USP12: variants seen among roughly 807,000 people sequenced by gnomAD.
USP12 encodes the protein ubiquitin carboxyl-terminal hydrolase 12.
In USP12, 19 loss-of-function variants were observed where a neutral mutation model predicts 45.5. The ratio of observed to expected loss-of-function variants is 0.42; its 90% CI spans 0.29 to 0.61. The LOEUF (loss-of-function observed/expected upper bound fraction) is 0.61, where lower values mean the gene tolerates loss of function less well. Ranked by LOEUF, USP12 falls within the 20% of genes least tolerant of loss-of-function variation. The pLI is 0.22. For synonymous variants in USP12, 149 were observed against 148.8 expected (o/e 1.00, Z -0.01); for missense variants, 242 against 447.7 (o/e 0.54, Z 4.15).
intron 6 of USP12, chr13:27,077,433 T>A (rs1386203290): frequency 1.3e-5 from 2 of 152,146 alleles, no homozygotes; most frequent in Non-Finnish European, 2.9e-5. Context: ...AAATGTGCTT[T>A]TAGAAATTAC....
intron 1 of USP12, among the ~76,000 whole-genome samples, chr13:27,153,098 G>A (rs1877656898): frequency 6.6e-6 from 1 of 152,176 alleles, no homozygotes; most frequent in Non-Finnish European, 1.5e-5. Context: ...CTGAGAGGCT[G>A]AGGCAGGCTG....
At chr13:27,072,522 C>T (rs866982958) in intron 7 of USP12, among the ~76,000 whole-genome samples, 2 of 152,084 alleles carry the variant, frequency 1.3e-5, no homozygotes, top group Non-Finnish European at 2.9e-5. Flanking sequence ...GATACAAATG[C>T]GTAAGGTATG....
At chr13:27,091,562 TG>T (rs1411815821) in intron 4 of USP12, among the ~76,000 whole-genome samples, 2 of 152,220 alleles carry the variant, frequency 1.3e-5, no homozygotes, top group African/African-American at 4.8e-5. Context: ...TGGACTAATA[TG>T]TCCTAATGTC....
chr13:27,083,728 G>A (rs919542535), intron 6 of USP12, among the ~76,000 whole-genome samples: 3 of 152,064 alleles, frequency 2.0e-5, no homozygotes, highest in Non-Finnish European at 4.4e-5. Flanking sequence ...TGAGTCTTCA[G>A]GAGCATGAAT....
At chr13:27,112,635 T>C (rs545933417) in intron 2 of USP12, among the ~76,000 whole-genome samples, 2 of 152,232 alleles carry the variant, frequency 1.3e-5, no homozygotes, top group South Asian at 2.1e-4. Flanking sequence ...AATTCAATCA[T>C]ATAATTCTCT....
chr13:27,097,202 C>T (rs1472479551), intron 3 of USP12, among the ~76,000 whole-genome samples: 3 of 151,326 alleles, frequency 2.0e-5, no homozygotes, highest in African/African-American at 7.3e-5. Flanking sequence ...CGCAGTGGCT[C>T]ATGCCTATAA....
chr13:27,080,335 C>G lies in USP12; in HGVS notation c.735-4947G>C, dbSNP rs117881119. 5.8e-3 allele frequency among the ~76,000 whole-genome samples: 884 copies of G among 152,324 alleles called. 2 individuals carry two copies. The highest frequency in any genetic ancestry group is 0.01 in the Non-Finnish European group (695 of 68,036). On this transcript the variant is annotated intron_variant, in intron 6 of 8. Coordinates refer to ENST00000282344, the MANE Select transcript of USP12 (RefSeq NM_182488.4). ...ACTACACAAGTTACCATTACTGGAACTGGCTACAGGGGAATAAGATATGGA... is the reference window on the plus strand; with the variant it reads ...ACTACACAAGTTACCATTACTGGAAGTGGCTACAGGGGAATAAGATATGGA...
chr13:27,078,803 CAAAA>C (rs546232427), intron 6 of USP12, among the ~76,000 whole-genome samples: 1 of 151,688 alleles, frequency 6.6e-6, no homozygotes, highest in Non-Finnish European at 1.5e-5. Flanking sequence ...CTCTCACTAA[CAAAA>C]AAAATCAGTA....
At chr13:27,093,833 T>C (rs1239710711) in intron 4 of USP12, among the ~76,000 whole-genome samples, 1 of 152,200 alleles carries the variant, frequency 6.6e-6, no homozygotes, top group Non-Finnish European at 1.5e-5. Context: ...AGTGGAAATG[T>C]TGCTCAGCCA....
In USP12 at chr13:27,143,464, C is replaced by A. The variant is rs183274665; in HGVS notation, c.49-26868G>T. 5.3e-3 allele frequency among the ~76,000 whole-genome samples: 804 copies of A among 152,174 alleles called. 8 individuals are homozygous for A. The highest frequency in any genetic ancestry group is 0.019 in the African/African-American group (770 of 41,512). On this transcript the variant is annotated intron_variant, in intron 1 of 8. Transcript: ENST00000282344. ...TGCCTACTAATAAACATGAAAAAAA[C>A]AACAGAATTAGAAAAATACCATTTT... is the stretch of plus-strand genomic sequence containing the variant.
At chr13:27,121,328 G>C (rs1300024603) in intron 1 of USP12, among the ~76,000 whole-genome samples, 1 of 149,334 alleles carries the variant, frequency 6.7e-6, no homozygotes, top group Non-Finnish European at 1.5e-5. Flanking sequence ...AAAAACCTCA[G>C]TAGAGAATTC....
chr13:27,092,600 A>C (rs1192811066), intron 4 of USP12, among the ~76,000 whole-genome samples: 3 of 152,244 alleles, frequency 2.0e-5, no homozygotes, highest in Non-Finnish European at 4.4e-5. Context: ...AAAGGAGCAA[A>C]GGCAATTCAA....
At chr13:27,076,865 A>T (rs544764372) in intron 6 of USP12, among the ~76,000 whole-genome samples, 103 of 152,328 alleles carry the variant, frequency 6.8e-4, no homozygotes, top group Non-Finnish European at 7.4e-4. Flanking sequence ...TTTTGGAAAC[A>T]TTAGCCAAAG....
intron 1 of USP12, among the ~76,000 whole-genome samples, chr13:27,154,664 T>C (rs1039062869): frequency 1.3e-5 from 2 of 152,130 alleles, no homozygotes; most frequent in African/African-American, 4.8e-5. Context: ...CGTGGACGCA[T>C]TGTGGTAGTA....
intron 1 of USP12, chr13:27,169,960 C>G (rs1255860272): frequency 2.1e-5 from 4 of 188,526 alleles, no homozygotes; most frequent in Non-Finnish European, 4.3e-5. Context: ...TGACAATGAA[C>G]TATGACCCAT....
At chr13:27,106,298 A>C (rs911583917) in intron 2 of USP12, among the ~76,000 whole-genome samples, 8 of 152,138 alleles carry the variant, frequency 5.3e-5, no homozygotes, top group African/African-American at 1.7e-4. Context: ...AAAGACATCA[A>C]ATCCTTAACT....
At chr13:27,138,753 T>C (rs1296126217) in intron 1 of USP12, among the ~76,000 whole-genome samples, 1 of 152,254 alleles carries the variant, frequency 6.6e-6, no homozygotes, top group Admixed American at 6.5e-5. Context: ...ACATTTGCTA[T>C]GTTTCAGGTA....
chr13:27,095,405 C>T (rs1475238493), intron 4 of USP12, among the ~76,000 whole-genome samples, 196 bp downstream of exon 4: 1 of 152,148 alleles, frequency 6.6e-6, no homozygotes, highest in Non-Finnish European at 1.5e-5. Context: ...TTTCTATCAC[C>T]TCAGGTATTC....
intron 1 of USP12, among the ~76,000 whole-genome samples, chr13:27,124,593 C>T (rs1478575776): frequency 2.0e-5 from 3 of 152,232 alleles, no homozygotes; most frequent in African/African-American, 7.2e-5. Context: ...CAGGTCAGTA[C>T]ACAAAGGAGA....
Sources: allele counts gnomAD v4.1 joint callset (sites outside exome capture counted in the v4.1 genomes callset), GRCh38; gene constraint gnomAD v4.1.1; transcripts MANE v1.5; gene names NCBI Gene and HGNC (gene_info 2026-07-23, HGNC 2026-07-21).